Variants in DRC1 observed in about 807,000 individuals in gnomAD.
DRC1 encodes the protein dynein regulatory complex subunit 1, also known as dynein regulatory complex protein 1.
A neutral mutation model predicts 98.7 loss-of-function variants in DRC1; 74 were observed. The observed-to-expected ratio is 0.75, with a 90% CI of 0.62 to 0.91. The LOEUF is 0.91. Among genes scored for constraint, DRC1 ranks in the 40% least tolerant of loss-of-function variants. The pLI, the probability that DRC1 is intolerant of heterozygous loss-of-function variation, is 0.00. For missense variants in DRC1, 875 were observed against 886.0 expected, an observed-to-expected ratio of 0.99 and a Z score of 0.16; for synonymous variants, 336 against 334.1, an observed-to-expected ratio of 1.01 and a Z score of -0.06.
In DRC1 at chr2:26,415,725, A is replaced by G. The variant is rs193254015; in HGVS notation, c.243+1294A>G. 2.0e-5 allele frequency among the ~76,000 whole-genome samples: 3 copies of G among 152,310 alleles called. No individual in the cohort carries two copies. In the East Asian group the frequency reaches 5.8e-4, roughly 29 times the overall value. ...GGCGAGCGGATCACCTGAGGTCAGG[A>G]GTTCAAGACCAGCCTGGCCAACATG... On this transcript the variant is annotated intron_variant, in intron 2 of 16. Transcript: ENST00000288710.
chr2:26,404,539 C>T (rs1231757090), intron 1 of DRC1, among the ~76,000 whole-genome samples: 1 of 152,186 alleles, frequency 6.6e-6, no homozygotes, highest in Non-Finnish European at 1.5e-5. Flanking sequence ...GATCCAGTTT[C>T]TGCAGGTGCC....
At chr2:26,407,814 T>C (rs941017413) in intron 1 of DRC1, among the ~76,000 whole-genome samples, 11 of 152,172 alleles carry the variant, frequency 7.2e-5, no homozygotes, top group African/African-American at 2.7e-4. Context: ...TTTGCATTTA[T>C]GACCCAATTG....
chr2:26,436,500 A>G (rs1216164310), intron 7 of DRC1, among the ~76,000 whole-genome samples: 1 of 151,876 alleles, frequency 6.6e-6, no homozygotes, highest in Admixed American at 6.6e-5. Flanking sequence ...TTTTGTAGAG[A>G]TAGGTTCTCA....
Position 26,440,601 on chromosome 2 carries a change from G to C in DRC1, c.1028+84G>C, listed in dbSNP as rs527794159. On this transcript the variant is annotated intron_variant, in intron 8 of 16. Transcript: ENST00000288710. ...ATATGTACTTTTTTCTATTGAAGGG[G>C]TAGAAACCATTAAAAATATAACCAA... 4.2e-6 allele frequency: 6 copies of C among 1,419,602 alleles called. No individual in the cohort carries two copies. In the Admixed American group the frequency reaches 1.0e-4, roughly 25 times the overall value. The allele number at this position is 1,419,602 out of a possible 1,614,324, so 87.9% of individuals were successfully genotyped here. A position where few individuals can be genotyped will look rare whatever the true frequency, so the allele number is the denominator to read the frequency against.
At chr2:26,414,988 A>T (rs1167688945) in intron 2 of DRC1, among the ~76,000 whole-genome samples, 2 of 152,130 alleles carry the variant, frequency 1.3e-5, no homozygotes, top group Admixed American at 1.3e-4. Context: ...CCACACATTG[A>T]ATACTTCCTG....
intron 2 of DRC1, among the ~76,000 whole-genome samples, chr2:26,414,884 T>C (rs969179103): frequency 6.6e-6 from 1 of 152,070 alleles, no homozygotes; most frequent in Non-Finnish European, 1.5e-5. Flanking sequence ...TCTTCTTCTC[T>C]CCTCTCATCT....
Position 26,455,184 on chromosome 2 carries a change from A to C in DRC1, c.2117A>C (p.Gln706Pro), listed in dbSNP as rs1196905750. The change falls in exon 16 of 17, where the codon CAG becomes CCG. Residue 706 changes from glutamine to proline, a missense_variant. Physicochemically the swap from Gln to Pro is moderately conservative, Grantham distance 76. Transcript: ENST00000288710. ...KLLLENSSLEQQNTELQALLQ... is the reference protein window; with the variant it reads ...KLLLENSSLEPQNTELQALLQ... ...CTGCTGGAAAACAGTTCTCTGGAGCAGCAGAACACAGAGCTGCAGGCGCTA... is the reference window on the plus strand; with the variant it reads ...CTGCTGGAAAACAGTTCTCTGGAGCCGCAGAACACAGAGCTGCAGGCGCTA... 1 of 1,614,114 alleles carries C rather than the reference A, an allele frequency of 6.2e-7. No homozygotes were observed. The highest frequency in any genetic ancestry group is 1.7e-5 in the Admixed American group (1 of 60,020).
chr2:26,405,951 C>A (rs977475887), intron 1 of DRC1, among the ~76,000 whole-genome samples: 1 of 152,102 alleles, frequency 6.6e-6, no homozygotes, highest in African/African-American at 2.4e-5. Context: ...TGAGCCACTG[C>A]GCCCTGCCTC....
rs1663108369 is a variant in DRC1, at chr2:26,420,579, T to C, written c.244-709T>C. Among the ~76,000 whole-genome samples, 3 of 152,252 alleles carry C rather than the reference T, an allele frequency of 2.0e-5. No individual in the cohort carries two copies. In the South Asian group the frequency reaches 6.2e-4, roughly 32 times the overall value. On this transcript the variant is annotated intron_variant, in intron 2 of 16. Transcript: ENST00000288710. ...CTCTACAGTGAATAAATAAAGTACA[T>C]TGAGAACTGCAGAGTGCTTTTTTTA...
intron 1 of DRC1, among the ~76,000 whole-genome samples, chr2:26,402,433 T>C (rs1390635490): frequency 1.3e-5 from 2 of 152,174 alleles, no homozygotes; most frequent in Admixed American, 1.3e-4. Context: ...TCGACTGTGG[T>C]CTGCACATGG....
At chr2:26,411,296 A>G (rs1229505181) in intron 1 of DRC1, among the ~76,000 whole-genome samples, 1 of 152,262 alleles carries the variant, frequency 6.6e-6, no homozygotes, top group Non-Finnish European at 1.5e-5. Flanking sequence ...AGAACAGGTG[A>G]AATTAATAAT....
At position 26,449,981 on chromosome 2, in the gene DRC1, C is replaced by T. The variant is rs575855122; in HGVS notation, c.1510-15C>T. The T allele has an allele frequency of 6.2e-7, 1 of 1,612,740 alleles. No homozygotes were observed. Among genetic ancestry groups the T allele is most frequent in the East Asian group, 2.2e-5 (1 of 44,836 alleles). On this transcript the variant is annotated splice_polypyrimidine_tract_variant and intron_variant, in intron 11 of 16. Transcript: ENST00000288710. ...ACCTGTCCCCGACAGGAGATGCCTTCTTCCTTCTCCCCAGGGGTTCCTCAT... is the reference window on the plus strand; with the variant it reads ...ACCTGTCCCCGACAGGAGATGCCTTTTTCCTTCTCCCCAGGGGTTCCTCAT...
At chr2:26,444,638 C>A in intron 9 of DRC1, 78 bp from the exon 10 acceptor site, 1 of 1,368,160 alleles carries the variant, frequency 7.3e-7, no homozygotes, top group Admixed American at 2.0e-5. Context: ...TTTTCATATT[C>A]CTGCCCTGCT....
intron 8 of DRC1, among the ~76,000 whole-genome samples, chr2:26,440,726 C>T (rs959499118): frequency 7.2e-5 from 11 of 152,154 alleles, no homozygotes; most frequent in Non-Finnish European, 2.9e-5. Context: ...CATCTTGTTC[C>T]TCTTTCCTAC....
At chr2:26,431,351 G>T (rs930075385) in intron 6 of DRC1, among the ~76,000 whole-genome samples, 1 of 152,212 alleles carries the variant, frequency 6.6e-6, no homozygotes, top group Non-Finnish European at 1.5e-5. Flanking sequence ...GATGGGGATT[G>T]TCTCTTGGGT....
chr2:26,451,553 T>A (rs1664008175), intron 13 of DRC1, among the ~76,000 whole-genome samples: 1 of 152,158 alleles, frequency 6.6e-6, no homozygotes, highest in Non-Finnish European at 1.5e-5. Context: ...GGCTCATGCC[T>A]ATAGTTCCAG....
intron 1 of DRC1, among the ~76,000 whole-genome samples, chr2:26,407,347 T>G (rs996974970): frequency 6.6e-6 from 1 of 152,088 alleles, no homozygotes; most frequent in Non-Finnish European, 1.5e-5. Context: ...AAAAATAAGC[T>G]GATAGTGAAG....
rs1446260930 is a variant in DRC1 at position 26,429,659 on chromosome 2, A to G, written c.572A>G (p.Lys191Arg). 2 of 1,614,146 alleles carry G rather than the reference A, an allele frequency of 1.2e-6. No homozygotes were observed. Among genetic ancestry groups the G allele is most frequent in the Non-Finnish European group, 1.7e-6 (2 of 1,180,010 alleles). The change falls in exon 5 of 17, where the codon AAG (lysine) becomes AGG (arginine). Residue 191 changes from lysine to arginine, a missense_variant. Physicochemically the swap from Lys to Arg is conservative, Grantham distance 26. Transcript: ENST00000288710. The stretch of plus-strand genomic sequence containing the variant: ...AAAACAAAGGATGACCAGTATGTGA[A>G]GGATTTGAAGAAACAGTCAGATGAC... ...ELKTKDDQYV[K>R]DLKKQSDDIC...
chr2:26,434,111 T>C (rs13388297), intron 7 of DRC1, among the ~76,000 whole-genome samples: 4,875 of 152,322 alleles, frequency 0.032, 200 homozygotes, highest in South Asian at 0.13. Flanking sequence ...TTGCAACTAA[T>C]GCATAGCACT....
Sources: gnomAD v4.1 joint callset for allele counts (sites outside exome capture counted in the v4.1 genomes callset) on GRCh38, gnomAD v4.1.1 for gene constraint, MANE v1.5 for transcripts, NCBI Gene and HGNC (gene_info 2026-07-23, HGNC 2026-07-21) for gene names.